The following ROBO1 variants were observed in gnomAD, a reference collection of about 807,000 sequenced individuals.
The protein encoded by ROBO1 is roundabout homolog 1.
A neutral mutation model predicts 195.9 loss-of-function variants in ROBO1; 149 were observed. The ratio of observed to expected loss-of-function variants is 0.76; its 90% CI spans 0.67 to 0.87. ROBO1 has a LOEUF of 0.87. Ranked by LOEUF, ROBO1 falls within the 40% of genes least tolerant of loss-of-function variation. The probability of loss-of-function intolerance (pLI) is 0.00; values close to 1 mark genes in which losing one functional copy is unlikely to be tolerated. For synonymous variants in ROBO1, 816 were observed against 733.2 expected (o/e 1.11, Z -1.82); for missense variants, 1,933 against 2,068.3 (o/e 0.93, Z 1.27).
chr3:79,220,462 A>G (rs550274397), intron 2 of ROBO1, among the ~76,000 whole-genome samples: 32 of 152,164 alleles, frequency 2.1e-4, no homozygotes, highest in Admixed American at 9.8e-4. Context: ...TGAAATATCC[A>G]TTTCTATTTC....
At chr3:79,389,148 T>G (rs553198221) in intron 2 of ROBO1, among the ~76,000 whole-genome samples, 1 of 152,164 alleles carries the variant, frequency 6.6e-6, no homozygotes. Flanking sequence ...ACCTTTTCCA[T>G]ATTAAAAATA....
At chr3:79,739,944 C>A (rs183850751) in intron 1 of ROBO1, among the ~76,000 whole-genome samples, 1 of 152,102 alleles carries the variant, frequency 6.6e-6, no homozygotes, top group Non-Finnish European at 1.5e-5. Context: ...TAGAAATAAA[C>A]TGATGCAGTT....
chr3:79,644,717 G>C (rs1322476009), intron 1 of ROBO1, among the ~76,000 whole-genome samples: 1 of 151,992 alleles, frequency 6.6e-6, no homozygotes, highest in Non-Finnish European at 1.5e-5. Flanking sequence ...GACAAAATAG[G>C]CTTAACTGAC....
intron 27 of ROBO1, among the ~76,000 whole-genome samples, chr3:78,617,139 CCA>C (rs1704158269): frequency 1.3e-5 from 2 of 151,958 alleles, no homozygotes; most frequent in Non-Finnish European, 1.5e-5. Flanking sequence ...GAGAAATAGC[CCA>C]TTTTCCAAAG....
At chr3:79,664,584 C>A (rs575831492) in intron 1 of ROBO1, among the ~76,000 whole-genome samples, 1 of 152,128 alleles carries the variant, frequency 6.6e-6, no homozygotes, top group East Asian at 1.9e-4. Flanking sequence ...AACAAGGTAG[C>A]ATTTCTTCTC....
intron 2 of ROBO1, among the ~76,000 whole-genome samples, chr3:79,364,474 C>T (rs530283453): frequency 1.3e-5 from 2 of 151,776 alleles, no homozygotes; most frequent in South Asian, 4.2e-4. Context: ...TCCCTTCATG[C>T]CACTCATATA....
chr3:79,574,030 T>G (rs190848514), intron 2 of ROBO1, among the ~76,000 whole-genome samples: 1 of 152,142 alleles, frequency 6.6e-6, no homozygotes, highest in Admixed American at 6.5e-5. Context: ...TTCCATTGAG[T>G]CCATGGATTT....
At chr3:79,307,015 A>C (rs1385298947) in intron 2 of ROBO1, among the ~76,000 whole-genome samples, 1 of 152,098 alleles carries the variant, frequency 6.6e-6, no homozygotes, top group East Asian at 1.9e-4. Flanking sequence ...AGAACTTCCT[A>C]AAGCAAATGG....
chr3:79,760,066 A>G (rs1704602938), intron 1 of ROBO1, among the ~76,000 whole-genome samples: 1 of 151,518 alleles, frequency 6.6e-6, no homozygotes, highest in Non-Finnish European at 1.5e-5. Flanking sequence ...GTGAAACCCT[A>G]TCTCTACTAA....
Position 78,659,708 on chromosome 3 carries a change from T to A in ROBO1, c.2420A>T (p.Asn807Ile), listed in dbSNP as rs770033122. ...SWQPPPEDTQ[N>I]GMVQEYKVWC... Reference sequence around the variant, plus strand: ...TACCTTATACTCTTGGACCATTCCATTTTGAGTGTCTTCTGGAGGTGGCTG... The same window carrying A: ...TACCTTATACTCTTGGACCATTCCAATTTGAGTGTCTTCTGGAGGTGGCTG... The change falls in exon 17 of 31, where the codon AAT (asparagine) becomes ATT (isoleucine). Residue 807 changes from asparagine (N) to isoleucine (I), a missense_variant. Around this residue, in one of 3 missense-constraint regions of ROBO1, gnomAD observed 1,737 missense variants for 1,882.5 expected, o/e 0.92. Coordinates refer to ENST00000464233, the MANE Select transcript of ROBO1 (RefSeq NM_002941.4). The A allele has an allele frequency of 1.9e-6, 3 of 1,556,290 alleles. No individual in the cohort carries two copies. The highest frequency in any genetic ancestry group is 2.7e-5 in the African/African-American group (2 of 73,408).
intron 1 of ROBO1, among the ~76,000 whole-genome samples, chr3:79,616,683 T>C (rs1222594621): frequency 2.0e-5 from 3 of 152,080 alleles, no homozygotes; most frequent in Non-Finnish European, 2.9e-5. Context: ...TAGAAATGGA[T>C]GTGAAGAGAG....
chr3:79,108,922 G>A (rs1405104975), intron 3 of ROBO1, among the ~76,000 whole-genome samples: 1 of 151,830 alleles, frequency 6.6e-6, no homozygotes, highest in Non-Finnish European at 1.5e-5. Context: ...AAAACTATAT[G>A]TTGTATATAT....
intron 3 of ROBO1, among the ~76,000 whole-genome samples, chr3:78,965,443 G>A (rs913265693): frequency 1.9e-4 from 29 of 151,926 alleles, no homozygotes; most frequent in Non-Finnish European, 3.8e-4. Flanking sequence ...TTTATAAAGC[G>A]ATAAAATATT....
At chr3:78,856,556 G>A (rs988247670) in intron 4 of ROBO1, among the ~76,000 whole-genome samples, 1 of 151,060 alleles carries the variant, frequency 6.6e-6, no homozygotes, top group African/African-American at 2.4e-5. Flanking sequence ...ACCAATAATT[G>A]CAAGAGTCCA....
intron 4 of ROBO1, among the ~76,000 whole-genome samples, chr3:78,835,437 C>A (rs1264632394): frequency 6.6e-6 from 1 of 152,114 alleles, no homozygotes. Flanking sequence ...TTCAGTGCCA[C>A]AGGTTTATAA....
chr3:79,189,157 A>AT (rs2081494294), intron 2 of ROBO1, among the ~76,000 whole-genome samples: 1 of 151,822 alleles, frequency 6.6e-6, no homozygotes, highest in Non-Finnish European at 1.5e-5. Context: ...ATATTTACTG[A>AT]TTAGATATAT....
intron 24 of ROBO1, among the ~76,000 whole-genome samples, chr3:78,632,551 G>A (rs984971831): frequency 6.6e-6 from 1 of 152,274 alleles, no homozygotes; most frequent in South Asian, 2.1e-4. Context: ...CATCAGTCCG[G>A]AGAGGCCTAT....
chr3:79,672,058 A>G (rs1946648652), intron 1 of ROBO1, among the ~76,000 whole-genome samples: 1 of 151,992 alleles, frequency 6.6e-6, no homozygotes, highest in Admixed American at 6.6e-5. Flanking sequence ...AATTTGGGTT[A>G]CTTCAAGAAT....
At chr3:79,327,416 T>A (rs2034256686) in intron 2 of ROBO1, among the ~76,000 whole-genome samples, 1 of 152,058 alleles carries the variant, frequency 6.6e-6, no homozygotes, top group Non-Finnish European at 1.5e-5. Flanking sequence ...AGAAAATATA[T>A]CAAGCCTTTG....
Sources: gnomAD v4.1 joint callset for allele counts (sites outside exome capture counted in the v4.1 genomes callset) on GRCh38, gnomAD v4.1.1 for gene constraint, gnomAD v4.1.1 regional missense constraint, MANE v1.5 for transcripts, NCBI Gene and HGNC (gene_info 2026-07-23, HGNC 2026-07-21) for gene names.